Variants in EPS15L1 observed in about 807,000 individuals in gnomAD.
EPS15L1 encodes epidermal growth factor receptor substrate 15-like 1.
EPS15L1 carries 43 observed loss-of-function variants against 117.1 expected under a neutral mutation model. The ratio of observed to expected loss-of-function variants is 0.37; its 90% CI spans 0.29 to 0.47. The LOEUF (loss-of-function observed/expected upper bound fraction) is 0.47, where lower values mean the gene tolerates loss of function less well. Ranked by LOEUF, EPS15L1 falls within the 20% of genes least tolerant of loss-of-function variation. EPS15L1 has a pLI of 0.99. For synonymous variants in EPS15L1, 459 were observed against 470.5 expected (o/e 0.98, Z 0.32); for missense variants, 981 against 1,164.0 (o/e 0.84, Z 2.29).
intron 8 of EPS15L1, among the ~76,000 whole-genome samples, chr19:16,428,460 CAG>C (rs1170364152): frequency 1.2e-5 from 1 of 85,142 alleles, no homozygotes; most frequent in Non-Finnish European, 2.1e-5. Flanking sequence ...GGGAGGGAGA[CAG>C]AGAGAGGAGA....
chr19:16,434,530 A>C, intron 6 of EPS15L1, 40 bp from the exon 7 acceptor site: 1 of 1,597,314 alleles, frequency 6.3e-7, no homozygotes. Context: ...AGGAGAGCAC[A>C]CCTGTGTGAA....
At position 16,355,695 on chromosome 19, in the gene EPS15L1, CG is replaced by C. The variant is rs2091971171; in HGVS notation, c.*9del. On this transcript the variant is annotated 3_prime_UTR_variant, in exon 24 of 24. Coordinates refer to ENST00000455140, the MANE Select transcript of EPS15L1 (RefSeq NM_001258374.3). ...GCCCGTGCCCTGTCCCGCCTACACA[CG>C]GCCCTCGCCTAGGCGGCAGGCATGT... 6.5e-7 allele frequency: 1 copy of C among 1,534,170 alleles called. No individual in the cohort carries two copies. The highest frequency in any genetic ancestry group is 2.0e-5 in the Admixed American group (1 of 50,914).
intron 9 of EPS15L1, among the ~76,000 whole-genome samples, chr19:16,421,775 G>A (rs971138255): frequency 6.6e-6 from 1 of 152,096 alleles, no homozygotes; most frequent in East Asian, 1.9e-4. Flanking sequence ...GGGAGGCTGT[G>A]ATCTTCAGGG....
At chr19:16,433,081 G>C (rs1472172466) in intron 7 of EPS15L1, among the ~76,000 whole-genome samples, 1 of 151,928 alleles carries the variant, frequency 6.6e-6, no homozygotes, top group Non-Finnish European at 1.5e-5. Flanking sequence ...AAAGTGCTGG[G>C]ATTACAGGCA....
chr19:16,464,728 A>ACACAC, intron 1 of EPS15L1, among the ~76,000 whole-genome samples: 1 of 80,510 alleles, frequency 1.2e-5, no homozygotes, highest in Non-Finnish European at 2.7e-5. Context: ...CACACATAAA[A>ACACAC]TACACTAACA....
In EPS15L1 at chr19:16,425,189, C is replaced by T; in HGVS notation, c.686G>A (p.Ser229Asn). ...GCGGAGGCTGTCTTTTGGTGGGGGG[C>T]TGGCAGGCAGGACGGGGACGGCGCC... ...FPGAVPVLPA[S>N]PPPKDSLRST... Residue 229 changes from serine (S) to asparagine (N), a missense_variant, in exon 9 of 24, where the codon AGC becomes AAC. Around this residue, in one of 5 missense-constraint regions of EPS15L1, gnomAD observed 819 missense variants for 949.0 expected, o/e 0.86. Transcript: ENST00000455140. 6.6e-7 allele frequency: 1 copy of T among 1,524,578 alleles called. No individual in the cohort carries two copies. 94.4% of individuals were successfully genotyped at this position (1,524,578 alleles called of 1,614,324 possible).
intron 19 of EPS15L1, among the ~76,000 whole-genome samples, chr19:16,387,076 G>A (rs895000257): frequency 6.6e-5 from 10 of 152,134 alleles, no homozygotes; most frequent in African/African-American, 1.2e-4. Flanking sequence ...AACGTAAAAC[G>A]GTGATTATAA....
rs1161686587 is a variant in EPS15L1 at position 16,381,731 on chromosome 19, T to G, written c.2247+3398A>C. Among the ~76,000 whole-genome samples the G allele has an allele frequency of 6.6e-6, 1 of 152,046 alleles. No individual in the cohort carries two copies. Among genetic ancestry groups the G allele is most frequent in the Non-Finnish European group, 1.5e-5 (1 of 67,984 alleles). On this transcript the variant is annotated intron_variant, in intron 21 of 23. Transcript: ENST00000455140. This position sits in a 1 kb window ranked among gnomAD's most constrained non-coding sequence, Gnocchi z 4.2. ...TGCAGCTTAGCTTTAAAATGGGCCG[T>G]TTAGGGTCGGCTGTTTGGGAAAGAA...
chr19:16,436,621 C>CCA, intron 6 of EPS15L1: 1 of 271,866 alleles, frequency 3.7e-6, no homozygotes. Context: ...GCAGCAAAAA[C>CCA]CACAGAATGT....
chr19:16,401,061 G>A (rs901147359), intron 16 of EPS15L1: 26 of 985,348 alleles, frequency 2.6e-5, no homozygotes, highest in Middle Eastern at 5.2e-4. Context: ...CTGGCTTCTC[G>A]TAACTCATGA....
At chr19:16,378,342 C>A (rs886373447) in intron 21 of EPS15L1, among the ~76,000 whole-genome samples, 7 of 152,060 alleles carry the variant, frequency 4.6e-5, no homozygotes, top group Admixed American at 3.9e-4. Flanking sequence ...CCTCCTTAGT[C>A]CCCAGAACCC....
intron 1 of EPS15L1, among the ~76,000 whole-genome samples, chr19:16,458,120 T>A (rs550367289): frequency 2.6e-5 from 4 of 152,136 alleles, no homozygotes; most frequent in Admixed American, 6.5e-5. Flanking sequence ...GTCGGGGTGT[T>A]CCTGACAGTG....
chr19:16,358,889 C>A (rs2092016249), intron 23 of EPS15L1, among the ~76,000 whole-genome samples: 1 of 152,202 alleles, frequency 6.6e-6, no homozygotes, highest in Admixed American at 6.5e-5. Flanking sequence ...AAGAACCGTT[C>A]CGCTAACCTA....
chr19:16,361,444 T>G, intron 23 of EPS15L1: 1 of 396,980 alleles, frequency 2.5e-6, no homozygotes, highest in Non-Finnish European at 3.6e-6. Flanking sequence ...GTGTTTGACA[T>G]CTTGGCTTCC....
chr19:16,456,909 C>T (rs2093202809), intron 1 of EPS15L1, among the ~76,000 whole-genome samples: 1 of 152,082 alleles, frequency 6.6e-6, no homozygotes, highest in Non-Finnish European at 1.5e-5. Context: ...AGGGTCTGTG[C>T]ACGCTGTGCT....
In EPS15L1 at chr19:16,365,598, GAC is replaced by G. The variant is rs1241121693; in HGVS notation, c.2381-3616_2381-3615del. Among the ~76,000 whole-genome samples, 4 of 152,200 alleles carry G rather than the reference GAC, an allele frequency of 2.6e-5. No homozygotes were observed. The highest frequency in any genetic ancestry group is 9.6e-5 in the African/African-American group (4 of 41,454). On this transcript the variant is annotated intron_variant, in intron 22 of 23. Transcript: ENST00000455140. The surrounding 1 kb of genome is among the most constrained non-coding windows in gnomAD (Gnocchi z 4.9). ...AGCCACCGGCAGGGGCACCCTGGGG[GAC>G]AGTGTGACAGTGTCCTGCACCCCAG... is the stretch of plus-strand genomic sequence containing the variant.
intron 1 of EPS15L1, among the ~76,000 whole-genome samples, chr19:16,454,825 T>TC (rs2093179517): frequency 6.6e-6 from 1 of 151,798 alleles, no homozygotes; most frequent in Non-Finnish European, 1.5e-5. Flanking sequence ...TTTTCTTTTT[T>TC]TTTTTTTTAA....
intron 16 of EPS15L1, among the ~76,000 whole-genome samples, chr19:16,399,029 A>C (rs1045672235): frequency 7.2e-5 from 11 of 151,920 alleles, no homozygotes; most frequent in Non-Finnish European, 1.5e-4. Context: ...CGTCACTTGG[A>C]AGACTGCCAA....
At chr19:16,384,823 A>C (rs148873865) in intron 21 of EPS15L1, among the ~76,000 whole-genome samples, 1 of 152,088 alleles carries the variant, frequency 6.6e-6, no homozygotes. Flanking sequence ...CCTGTGCCCA[A>C]CGCCTTCTCA....
Sources: gnomAD v4.1 joint callset for allele counts (sites outside exome capture counted in the v4.1 genomes callset) on GRCh38, gnomAD v4.1.1 for gene constraint, gnomAD v4.1.1 regional missense constraint, Gnocchi (gnomAD v3.1) non-coding constraint, MANE v1.5 for transcripts, NCBI Gene and HGNC (gene_info 2026-07-23, HGNC 2026-07-21) for gene names.